The following HOMER2 variants were observed in gnomAD, a reference collection of about 807,000 sequenced individuals.
The protein encoded by HOMER2 is homer scaffold protein 2.
In HOMER2, 27 loss-of-function variants were observed where a neutral mutation model predicts 47.0. The observed-to-expected ratio is 0.57, with a 90% CI of 0.42 to 0.79. HOMER2 has a LOEUF of 0.79. Ranked by LOEUF, HOMER2 falls within the 30% of genes least tolerant of loss-of-function variation. The probability of loss-of-function intolerance (pLI) is 0.00; values close to 1 mark genes in which losing one functional copy is unlikely to be tolerated. For missense variants in HOMER2, 443 were observed against 435.0 expected (o/e 1.02, Z -0.16); for synonymous variants, 161 against 163.8 (o/e 0.98, Z 0.13).
chr15:82,950,248 A>G (rs2054477444), intron 1 of HOMER2, among the ~76,000 whole-genome samples: 1 of 152,224 alleles, frequency 6.6e-6, no homozygotes, highest in South Asian at 2.1e-4. Context: ...TAAGAACACA[A>G]ACTCACTGGA....
At chr15:82,850,775 G>T (rs2051365772) in intron 8 of HOMER2, among the ~76,000 whole-genome samples, 1 of 152,192 alleles carries the variant, frequency 6.6e-6, no homozygotes, top group South Asian at 2.1e-4. Flanking sequence ...AGGAAGGCCT[G>T]CCCAAGGTCA....
intron 5 of HOMER2, among the ~76,000 whole-genome samples, chr15:82,858,104 A>C (rs1272658262): frequency 6.6e-6 from 1 of 152,200 alleles, no homozygotes; most frequent in Non-Finnish European, 1.5e-5. Context: ...AGTTTGCTTC[A>C]CATAGATCTT....
chr15:82,836,055 G>A (rs923396617), downstream of HOMER2: 1 of 152,106 alleles, frequency 6.6e-6, no homozygotes, highest in Admixed American at 6.5e-5. Context: ...AGAGGCCTTT[G>A]AAAAAAGGAT....
chr15:82,972,549 C>T (rs2030031362), intron 1 of HOMER2, among the ~76,000 whole-genome samples: 1 of 152,146 alleles, frequency 6.6e-6, no homozygotes, highest in Non-Finnish European at 1.5e-5. Context: ...GTGGTTTGTC[C>T]ATGTTGGTCA....
chr15:82,948,857 CTGATT>C (rs1176227730), intron 1 of HOMER2, among the ~76,000 whole-genome samples: 9 of 152,202 alleles, frequency 5.9e-5, no homozygotes, highest in African/African-American at 1.2e-4. Flanking sequence ...ATGACATGAT[CTGATT>C]TATGATTTTA....
chr15:82,849,692 C>A lies in HOMER2; in HGVS notation c.*23G>T, dbSNP rs375278051. 2 of 1,603,126 alleles carry A rather than the reference C, an allele frequency of 1.2e-6. No individual in the cohort carries two copies. Among genetic ancestry groups the A allele is most frequent in the Admixed American group, 1.7e-5 (1 of 58,382 alleles). ...CGCACACACGCTTGGGACTCACGGG[C>A]GGGGCCTGGGCCTCGGCCAGCCCTA... On this transcript the variant is annotated 3_prime_UTR_variant, in exon 9 of 9. Coordinates refer to ENST00000450735, the MANE Select transcript of HOMER2 (RefSeq NM_004839.4).
chr15:82,952,432 G>T, intron 1 of HOMER2, 99 bp downstream of exon 1: 1 of 871,140 alleles, frequency 1.1e-6, no homozygotes, highest in Non-Finnish European at 1.5e-6. Context: ...GGAGGCGGGG[G>T]CCGGCCCGCC....
intron 1 of HOMER2, among the ~76,000 whole-genome samples, chr15:82,945,671 AG>A: frequency 6.6e-6 from 1 of 152,260 alleles, no homozygotes; most frequent in East Asian, 1.9e-4. Context: ...AAAAAGAAAA[AG>A]AAAAAAAGTG....
chr15:82,869,767 C>T (rs993448735), intron 3 of HOMER2, among the ~76,000 whole-genome samples: 1 of 152,148 alleles, frequency 6.6e-6, no homozygotes, highest in African/African-American at 2.4e-5. Context: ...CTCTATTACA[C>T]ATCTTGATCG....
At chr15:82,867,548 C>T (rs992893760) in intron 3 of HOMER2, among the ~76,000 whole-genome samples, 5 of 152,026 alleles carry the variant, frequency 3.3e-5, no homozygotes, top group Admixed American at 6.5e-5. Context: ...GCAGTAACAG[C>T]TTATAGAAAA....
At chr15:82,847,224 A>C (rs2051265562), downstream of HOMER2, 1 of 152,272 alleles carries the variant, frequency 6.6e-6, no homozygotes, top group South Asian at 2.1e-4. Flanking sequence ...TCAAGGGAAC[A>C]CCGTCCAGGT....
chr15:82,896,726 G>A (rs1316157686), intron 1 of HOMER2, among the ~76,000 whole-genome samples: 1 of 152,160 alleles, frequency 6.6e-6, no homozygotes, highest in Non-Finnish European at 1.5e-5. Context: ...AAACAGGGGA[G>A]GATTGCACGG....
intron 6 of HOMER2, 81 bp from the exon 7 acceptor site, chr15:82,852,333 CTCTTT>C (rs767900841): frequency 6.3e-5 from 61 of 968,382 alleles, no homozygotes; most frequent in East Asian, 1.5e-4. Flanking sequence ...AGCTATGCTT[CTCTTT>C]TCTTTTAAAA....
intron 4 of HOMER2, among the ~76,000 whole-genome samples, chr15:82,860,451 G>T (rs913489445): frequency 3.9e-5 from 6 of 152,026 alleles, no homozygotes; most frequent in African/African-American, 1.5e-4. Context: ...TATGGGTACA[G>T]GAAGGTCCAT....
At chr15:82,907,887 G>A (rs960124575) in intron 1 of HOMER2, among the ~76,000 whole-genome samples, 1 of 152,152 alleles carries the variant, frequency 6.6e-6, no homozygotes, top group Non-Finnish European at 1.5e-5. Flanking sequence ...AAAATGTGGT[G>A]TATCCATATA....
At chr15:82,883,077 A>T (rs1427899733) in intron 2 of HOMER2, among the ~76,000 whole-genome samples, 1 of 28,842 alleles carries the variant, frequency 3.5e-5, no homozygotes, top group Non-Finnish European at 5.7e-5. Flanking sequence ...CCAGAGTGTG[A>T]TATTCCCCTT....
At chr15:82,858,287 CTTTT>C (rs368230707) in intron 5 of HOMER2, among the ~76,000 whole-genome samples, 24 of 148,322 alleles carry the variant, frequency 1.6e-4, no homozygotes, top group South Asian at 6.5e-4. Flanking sequence ...GTTCAAAATT[CTTTT>C]TTTTTTCTTT....
intron 1 of HOMER2, among the ~76,000 whole-genome samples, chr15:82,950,513 G>A (rs879566496): frequency 6.6e-6 from 1 of 152,050 alleles, no homozygotes; most frequent in Non-Finnish European, 1.5e-5. Context: ...GGATGACATT[G>A]GTTCTATTTT....
At chr15:82,944,102 C>A (rs923042237) in intron 1 of HOMER2, among the ~76,000 whole-genome samples, 3 of 152,146 alleles carry the variant, frequency 2.0e-5, no homozygotes, top group African/African-American at 7.2e-5. Context: ...TCCCCACAAG[C>A]ATATTTTTAT....
Sources: gnomAD v4.1 joint callset for allele counts (sites outside exome capture counted in the v4.1 genomes callset) on GRCh38, gnomAD v4.1.1 for gene constraint, MANE v1.5 for transcripts, NCBI Gene and HGNC (gene_info 2026-07-23, HGNC 2026-07-21) for gene names.